Variants in LRBA observed in about 807,000 individuals in gnomAD.
LRBA encodes LPS responsive beige-like anchor protein.
Under a neutral mutation model 330.0 loss-of-function variants are expected in LRBA, and 176 were observed. The ratio of observed to expected loss-of-function variants is 0.53; its 90% CI spans 0.47 to 0.60. The LOEUF (loss-of-function observed/expected upper bound fraction) is 0.60, where lower values mean the gene tolerates loss of function less well. LRBA is among the 20% of genes least tolerant of loss of function. The pLI is 0.00. For synonymous variants in LRBA, 1,230 were observed against 1,193.0 expected (o/e 1.03, Z -0.64); for missense variants, 3,259 against 3,444.8 (o/e 0.95, Z 1.35).
intron 40 of LRBA, among the ~76,000 whole-genome samples, chr4:150,540,280 C>T (rs899942902): frequency 9.2e-5 from 14 of 152,098 alleles, no homozygotes; most frequent in Admixed American, 6.5e-4. Flanking sequence ...AGTGCAGTGG[C>T]GCGATCTCGG....
chr4:150,482,270 T>C (rs1207259318), intron 42 of LRBA, among the ~76,000 whole-genome samples: 2 of 152,154 alleles, frequency 1.3e-5, no homozygotes, highest in African/African-American at 4.8e-5. Context: ...CAGAATGTCA[T>C]ATAAATGGAA....
intron 36 of LRBA, among the ~76,000 whole-genome samples, chr4:150,733,631 G>A (rs1730799334): frequency 2.0e-5 from 3 of 151,258 alleles, no homozygotes; most frequent in Admixed American, 2.0e-4. Context: ...ATCCAGCATG[G>A]AATTAGTTTA....
At chr4:150,327,170 C>T (rs529238466) in intron 48 of LRBA, among the ~76,000 whole-genome samples, 2 of 152,238 alleles carry the variant, frequency 1.3e-5, no homozygotes, top group Middle Eastern at 3.4e-3. Context: ...CATGATGGCT[C>T]ACACCTGTAA....
intron 40 of LRBA, among the ~76,000 whole-genome samples, chr4:150,505,343 C>T (rs1296920437): frequency 1.3e-5 from 2 of 152,128 alleles, no homozygotes; most frequent in Admixed American, 6.5e-5. Context: ...AAGCACTCCT[C>T]AGCAAATGTA....
chr4:150,925,573 C>T (rs1030388469), intron 4 of LRBA, among the ~76,000 whole-genome samples: 1 of 152,102 alleles, frequency 6.6e-6, no homozygotes, highest in Non-Finnish European at 1.5e-5. Context: ...ACTATACTTG[C>T]CATTTTCCAA....
chr4:150,340,259 A>AT (rs1735342083), intron 48 of LRBA, among the ~76,000 whole-genome samples: 1 of 152,052 alleles, frequency 6.6e-6, no homozygotes, highest in Admixed American at 6.6e-5. Flanking sequence ...ATAACTGAAT[A>AT]TTTTTTTCAC....
intron 45 of LRBA, among the ~76,000 whole-genome samples, chr4:150,436,404 A>G (rs745447389): frequency 2.0e-5 from 3 of 152,204 alleles, no homozygotes; most frequent in Non-Finnish European, 4.4e-5. Context: ...ATATAAGTAC[A>G]TGTCTGTGTT....
intron 36 of LRBA, among the ~76,000 whole-genome samples, chr4:150,695,149 ATAAAG>A (rs1413829910): frequency 6.6e-6 from 1 of 152,200 alleles, no homozygotes; most frequent in Non-Finnish European, 1.5e-5. Context: ...TGTTTGGAAA[ATAAAG>A]TAAACTATGG....
intron 2 of LRBA, among the ~76,000 whole-genome samples, chr4:150,976,049 C>T (rs1740126661): frequency 6.6e-6 from 1 of 151,718 alleles, no homozygotes; most frequent in African/African-American, 2.4e-5. Flanking sequence ...GCAGCACACA[C>T]CTGTAATCCC....
intron 42 of LRBA, 112 bp from the exon 43 acceptor site, chr4:150,471,851 T>C (rs1037976826): frequency 1.5e-6 from 1 of 647,126 alleles, no homozygotes; most frequent in Non-Finnish European, 2.7e-6. Context: ...GTTCTATTCA[T>C]GTTAGACTAA....
chr4:150,969,447 T>C (rs1579355686), intron 2 of LRBA, among the ~76,000 whole-genome samples: 1 of 152,114 alleles, frequency 6.6e-6, no homozygotes, highest in East Asian at 1.9e-4. Flanking sequence ...AAGACTTCCA[T>C]GGAGGAAGTC....
At chr4:150,804,797 C>A (rs963579924) in intron 33 of LRBA, among the ~76,000 whole-genome samples, 3 of 151,976 alleles carry the variant, frequency 2.0e-5, no homozygotes, top group Non-Finnish European at 4.4e-5. Flanking sequence ...TATAAAAAGC[C>A]CTGTAGCTTC....
intron 53 of LRBA, among the ~76,000 whole-genome samples, chr4:150,302,386 G>C (rs1272644089): frequency 2.0e-5 from 3 of 152,044 alleles, no homozygotes; most frequent in African/African-American, 7.2e-5. Context: ...TGAAGAACTA[G>C]AATTTTTGGA....
chr4:150,785,291 C>T (rs10003857), intron 34 of LRBA, among the ~76,000 whole-genome samples: 133,050 of 152,148 alleles, frequency 0.87, 58,564 homozygotes, highest in Non-Finnish European at 0.94. Context: ...TGCAAAAACC[C>T]GAAAAGACAT....
intron 17 of LRBA, among the ~76,000 whole-genome samples, chr4:150,889,602 G>C (rs1729274968): frequency 6.6e-6 from 1 of 152,128 alleles, no homozygotes; most frequent in African/African-American, 2.4e-5. Flanking sequence ...TGCATACGAG[G>C]TATCTAGGTT....
chr4:150,361,076 C>T (rs1738617175), intron 47 of LRBA, among the ~76,000 whole-genome samples: 1 of 152,114 alleles, frequency 6.6e-6, no homozygotes, highest in Non-Finnish European at 1.5e-5. Flanking sequence ...ATAATCTTTG[C>T]TGAAAGTCAG....
chr4:150,403,215 TC>T (rs1287543106), intron 47 of LRBA, among the ~76,000 whole-genome samples: 1 of 152,212 alleles, frequency 6.6e-6, no homozygotes, highest in African/African-American at 2.4e-5. Context: ...TACAGGCAGC[TC>T]CTGCACAGCA....
At position 150,999,716 on chromosome 4, in the gene LRBA, A is replaced by AC. The variant is rs912053040; in HGVS notation, c.216+14710_216+14711insG. 1.1e-4 allele frequency among the ~76,000 whole-genome samples: 16 copies of AC among 152,130 alleles called. No individual in the cohort carries two copies. In the East Asian group the frequency reaches 1.5e-3, roughly 15 times the overall value. ...TGACAAATTTAAAAAACAAAACAAAAAAAAAAACAATTTCAGGTATAATAT... is the reference window on the plus strand; with the variant it reads ...TGACAAATTTAAAAAACAAAACAAAACAAAAAAACAATTTCAGGTATAATAT... On this transcript the variant is annotated intron_variant, in intron 2 of 56. Coordinates refer to ENST00000651943, the MANE Select transcript of LRBA (RefSeq NM_001364905.1).
intron 31 of LRBA, among the ~76,000 whole-genome samples, chr4:150,814,962 CAT>C (rs1744341273): frequency 6.6e-6 from 1 of 151,818 alleles, no homozygotes; most frequent in Admixed American, 6.6e-5. Flanking sequence ...AAATATTACC[CAT>C]ATGTCTCAGC....
Sources: gnomAD v4.1 joint callset for allele counts (sites outside exome capture counted in the v4.1 genomes callset) on GRCh38, gnomAD v4.1.1 for gene constraint, MANE v1.5 for transcripts, NCBI Gene and HGNC (gene_info 2026-07-23, HGNC 2026-07-21) for gene names.